MIPOL1: variants seen among roughly 807,000 people sequenced by gnomAD.
MIPOL1 encodes the protein mirror-image polydactyly gene 1 protein.
MIPOL1 carries 57 observed loss-of-function variants against 60.9 expected under a neutral mutation model. The observed-to-expected ratio is 0.94, with a 90% CI of 0.76 to 1.17. The LOEUF is 1.17. Among genes scored for constraint, MIPOL1 ranks in the 50% most tolerant of loss-of-function variants. The pLI, the probability that MIPOL1 is intolerant of heterozygous loss-of-function variation, is 0.00. For synonymous variants in MIPOL1, 179 were observed against 168.8 expected (o/e 1.06, Z -0.47); for missense variants, 551 against 511.6 (o/e 1.08, Z -0.74).
chr14:37,479,614 A>G (rs755098267), intron 11 of MIPOL1, among the ~76,000 whole-genome samples: 20 of 152,126 alleles, frequency 1.3e-4, no homozygotes, highest in Non-Finnish European at 2.5e-4. Flanking sequence ...AAGTAACAAG[A>G]TTTCTCCTCA....
intron 11 of MIPOL1, among the ~76,000 whole-genome samples, chr14:37,464,541 G>C (rs943691806): frequency 3.9e-5 from 6 of 152,084 alleles, no homozygotes; most frequent in Non-Finnish European, 5.9e-5. Flanking sequence ...ATGGATACAC[G>C]TGGAAATACA....
At chr14:37,407,310 C>T (rs976129987) in intron 10 of MIPOL1, among the ~76,000 whole-genome samples, 58 of 152,154 alleles carry the variant, frequency 3.8e-4, no homozygotes, top group African/African-American at 1.3e-3. Context: ...CTGCCACTGA[C>T]CTTTCTATAT....
intron 12 of MIPOL1, among the ~76,000 whole-genome samples, chr14:37,512,478 GAA>G (rs570306658): frequency 8.6e-5 from 11 of 127,598 alleles, no homozygotes; most frequent in African/African-American, 2.0e-4. Flanking sequence ...TTTCTCAGTT[GAA>G]AAAAAAAAAA....
intron 11 of MIPOL1, among the ~76,000 whole-genome samples, chr14:37,433,815 C>G (rs1324694669): frequency 1.3e-5 from 2 of 152,246 alleles, no homozygotes; most frequent in Admixed American, 6.5e-5. Context: ...CTCGGCCTCC[C>G]AAAGTGCCAG....
chr14:37,313,484 G>A (rs2087567418), intron 9 of MIPOL1, among the ~76,000 whole-genome samples: 1 of 152,056 alleles, frequency 6.6e-6, no homozygotes, highest in African/African-American at 2.4e-5. Flanking sequence ...TCATTGATTG[G>A]ACCCTTGCTG....
intron 11 of MIPOL1, among the ~76,000 whole-genome samples, chr14:37,459,540 A>G (rs928024839): frequency 3.3e-5 from 5 of 152,284 alleles, no homozygotes; most frequent in African/African-American, 1.2e-4. Context: ...TTCCAACAAC[A>G]ACAAAAAGCC....
intron 11 of MIPOL1, among the ~76,000 whole-genome samples, chr14:37,491,094 T>A (rs2095041346): frequency 6.6e-6 from 1 of 152,226 alleles, no homozygotes; most frequent in African/African-American, 2.4e-5. Context: ...TACAGTGGTA[T>A]ATAAATATAA....
chr14:37,513,568 C>G (rs941306979), intron 12 of MIPOL1, among the ~76,000 whole-genome samples: 3 of 151,972 alleles, frequency 2.0e-5, no homozygotes, highest in African/African-American at 7.3e-5. Context: ...GCGCCTAACC[C>G]AGAATATAAG....
intron 9 of MIPOL1, among the ~76,000 whole-genome samples, chr14:37,325,191 A>G (rs1015394678): frequency 2.0e-5 from 3 of 152,102 alleles, no homozygotes; most frequent in African/African-American, 7.2e-5. Context: ...TATTTCACTT[A>G]TCACAATCTG....
intron 6 of MIPOL1, among the ~76,000 whole-genome samples, chr14:37,275,705 G>A (rs2083604556): frequency 6.6e-6 from 1 of 150,872 alleles, no homozygotes; most frequent in South Asian, 2.1e-4. Context: ...TGTTTTATAT[G>A]TTATTTTGTG....
intron 1 of MIPOL1, among the ~76,000 whole-genome samples, chr14:37,235,529 G>A (rs908051957): frequency 6.6e-6 from 1 of 152,100 alleles, no homozygotes; most frequent in Admixed American, 6.5e-5. Context: ...TCCTCTAACT[G>A]TTAGAGGACT....
At chr14:37,220,199 C>T (rs918400059) in intron 1 of MIPOL1, among the ~76,000 whole-genome samples, 2 of 152,068 alleles carry the variant, frequency 1.3e-5, no homozygotes, top group African/African-American at 2.4e-5. Context: ...TGTATTATTA[C>T]GTTACATTCT....
chr14:37,545,553 T>A, intron 12 of MIPOL1: 1 of 500,382 alleles, frequency 2.0e-6, no homozygotes, highest in African/African-American at 2.0e-5. Flanking sequence ...TTTGTAGTAA[T>A]AAACTTAGAC....
rs1594949718 is a variant in MIPOL1 at position 37,547,728 on chromosome 14, A to G, written c.*757A>G. 6.6e-6 allele frequency: 1 copy of G among 152,576 alleles called. No individual in the cohort carries two copies. Among genetic ancestry groups the G allele is most frequent in the African/African-American group, 2.4e-5 (1 of 41,572 alleles). The allele number at this position is 152,576 out of a possible 1,614,324, so 9.5% of individuals were successfully genotyped here. A position where few individuals can be genotyped will look rare whatever the true frequency, so the allele number is the denominator to read the frequency against. ...TTATCTGAATTCTACTTAAGCTATA[A>G]GTCTCTGTCATTTTTGCTTGAAAAT... is the stretch of plus-strand genomic sequence containing the variant. On this transcript the variant is annotated 3_prime_UTR_variant, in exon 13 of 13. Coordinates refer to ENST00000684589, the MANE Select transcript of MIPOL1 (RefSeq NM_001388067.1).
intron 12 of MIPOL1, among the ~76,000 whole-genome samples, chr14:37,525,620 T>G (rs2095441752): frequency 6.6e-6 from 1 of 152,192 alleles, no homozygotes; most frequent in South Asian, 2.1e-4. Context: ...ATTTTCCAAA[T>G]CTTATAAAAG....
At chr14:37,467,155 A>G (rs1457364492) in intron 11 of MIPOL1, among the ~76,000 whole-genome samples, 2 of 152,220 alleles carry the variant, frequency 1.3e-5, no homozygotes, top group Non-Finnish European at 2.9e-5. Context: ...CTCTCAAAGA[A>G]ACAATAACCT....
intron 9 of MIPOL1, among the ~76,000 whole-genome samples, chr14:37,340,529 G>A (rs2090489189): frequency 2.0e-5 from 3 of 152,096 alleles, no homozygotes; most frequent in South Asian, 4.2e-4. Context: ...GGGCAACATA[G>A]TGAGACCCCT....
At chr14:37,317,013 A>G (rs1276068763) in intron 9 of MIPOL1, among the ~76,000 whole-genome samples, 2 of 152,108 alleles carry the variant, frequency 1.3e-5, no homozygotes, top group Non-Finnish European at 2.9e-5. Context: ...AGATAATTGC[A>G]GTACCAAGTC....
At chr14:37,276,639 A>G (rs1375901578) in intron 6 of MIPOL1, 3 of 151,194 alleles carry the variant, frequency 2.0e-5, no homozygotes. Flanking sequence ...AAATGGCATA[A>G]CTTTTATCTT....
Sources: gnomAD v4.1 joint callset for allele counts (sites outside exome capture counted in the v4.1 genomes callset) on GRCh38, gnomAD v4.1.1 for gene constraint, MANE v1.5 for transcripts, NCBI Gene and HGNC (gene_info 2026-07-23, HGNC 2026-07-21) for gene names.